LMTK2: variants seen among roughly 807,000 people sequenced by gnomAD.
The protein encoded by LMTK2 is lemur tail kinase 2, also known as serine/threonine-protein kinase LMTK2.
LMTK2 carries 37 observed loss-of-function variants against 127.5 expected under a neutral mutation model. The ratio of observed to expected loss-of-function variants is 0.29; its 90% CI spans 0.22 to 0.38. The LOEUF is 0.38. Ranked by LOEUF, LMTK2 falls within the 10% of genes least tolerant of loss-of-function variation. The pLI is 1.00. For synonymous variants in LMTK2, 819 were observed against 810.1 expected (o/e 1.01, Z -0.19); for missense variants, 1,694 against 1,920.3 (o/e 0.88, Z 2.20).
chr7:98,107,513 C>A (rs1477767089), intron 1 of LMTK2, among the ~76,000 whole-genome samples: 1 of 152,188 alleles, frequency 6.6e-6, no homozygotes, highest in East Asian at 1.9e-4. Flanking sequence ...TAGCAGCCAC[C>A]GACCCCTCCC....
In LMTK2 at chr7:98,191,643, C is replaced by T; in HGVS notation, c.1178C>T (p.Ser393Leu). The T allele has an allele frequency of 6.2e-7, 1 of 1,611,038 alleles. No homozygotes were observed. The highest frequency in any genetic ancestry group is 1.1e-5 in the South Asian group (1 of 90,630). The change falls in exon 11 of 14, where the codon TCA becomes TTA. Residue 393 changes from serine (S) to leucine (L), a missense_variant. Coordinates refer to ENST00000297293, the MANE Select transcript of LMTK2 (RefSeq NM_014916.4). ...WYEVLQFCWL[S>L]PEKRPAAEDV... Reference sequence around the variant, plus strand: ...GAAGTCTTACAGTTCTGTTGGCTGTCACCAGAAAAGAGACCCGCGGCTGAA... The same window carrying T: ...GAAGTCTTACAGTTCTGTTGGCTGTTACCAGAAAAGAGACCCGCGGCTGAA...
At chr7:98,201,656 C>G (rs1420479639) in intron 11 of LMTK2, among the ~76,000 whole-genome samples, 1 of 152,026 alleles carries the variant, frequency 6.6e-6, no homozygotes, top group African/African-American at 2.4e-5. Context: ...CTGTCACTAG[C>G]TGGAGTACAG....
rs562857722 is a variant in LMTK2, at chr7:98,116,555, G to C, written c.103+9275G>C. ...TTCACCTGGGATGAGGCCATTTATAGTTTTTTTTTTATTAAAACCTTTTTC... is the reference window on the plus strand; with the variant it reads ...TTCACCTGGGATGAGGCCATTTATACTTTTTTTTTTATTAAAACCTTTTTC... On this transcript the variant is annotated intron_variant, in intron 1 of 13. Transcript: ENST00000297293. Among the ~76,000 whole-genome samples, 3 of 149,010 alleles carry C rather than the reference G, an allele frequency of 2.0e-5. No homozygotes were observed. In the South Asian group the frequency reaches 6.4e-4, roughly 32 times the overall value.
intron 13 of LMTK2, 138 bp downstream of exon 13, chr7:98,204,324 TA>T: frequency 8.5e-7 from 1 of 1,169,762 alleles, no homozygotes; most frequent in Non-Finnish European, 1.2e-6. Flanking sequence ...CTTGTTTTTA[TA>T]AAACTCCCAT....
At chr7:98,190,559 G>A (rs767406386) in intron 9 of LMTK2, among the ~76,000 whole-genome samples, 169 bp from the exon 10 acceptor site, 1 of 152,146 alleles carries the variant, frequency 6.6e-6, no homozygotes, top group Non-Finnish European at 1.5e-5. Flanking sequence ...TCCAGCCTGG[G>A]CGACAGTGAG....
intron 7 of LMTK2, among the ~76,000 whole-genome samples, chr7:98,174,407 C>G (rs1212414028): frequency 1.3e-5 from 2 of 152,170 alleles, no homozygotes; most frequent in Non-Finnish European, 2.9e-5. Flanking sequence ...GTCTGAGGAG[C>G]CTGTGTCTCT....
At position 98,207,778 on chromosome 7, in the gene LMTK2, G is replaced by A. The variant is rs919601197; in HGVS notation, c.*2286G>A. 29 of 152,174 alleles carry A rather than the reference G, an allele frequency of 1.9e-4. 1 individual carries two copies. Among genetic ancestry groups the A allele is most frequent in the Non-Finnish European group, 1.0e-4 (7 of 68,052 alleles). 9.4% of individuals were successfully genotyped at this position (152,174 alleles called of 1,614,324 possible). On this transcript the variant is annotated 3_prime_UTR_variant, in exon 14 of 14. Coordinates refer to ENST00000297293, the MANE Select transcript of LMTK2 (RefSeq NM_014916.4). ...GTACATTTATTAACCTTTTGGGGCT[G>A]TCAGTTTTCCACTAGGATTAAGATT...
chr7:98,121,007 A>C (rs923773163), intron 1 of LMTK2, among the ~76,000 whole-genome samples: 2 of 152,192 alleles, frequency 1.3e-5, no homozygotes, highest in African/African-American at 4.8e-5. Context: ...TAGACTTAGA[A>C]AATGTTGGGA....
intron 11 of LMTK2, among the ~76,000 whole-genome samples, chr7:98,199,263 A>G (rs1354991971): frequency 1.3e-5 from 2 of 151,946 alleles, no homozygotes; most frequent in Non-Finnish European, 2.9e-5. Context: ...GTCATTGCCG[A>G]TTTTTCTGCA....
chr7:98,139,219 C>T (rs1008406806), intron 2 of LMTK2, among the ~76,000 whole-genome samples: 3 of 152,168 alleles, frequency 2.0e-5, no homozygotes, highest in African/African-American at 7.2e-5. Flanking sequence ...TCAAGCAATC[C>T]TCCCACCTTA....
At chr7:98,167,330 T>C (rs1480923031) in intron 6 of LMTK2, among the ~76,000 whole-genome samples, 1 of 152,208 alleles carries the variant, frequency 6.6e-6, no homozygotes, top group Non-Finnish European at 1.5e-5. Context: ...TTTCTAGTGG[T>C]AGAGACAGAC....
At position 98,192,090 on chromosome 7, in the gene LMTK2, C is replaced by T. The variant is rs921681012; in HGVS notation, c.1625C>T (p.Ala542Val). 3 of 1,564,372 alleles carry T rather than the reference C, an allele frequency of 1.9e-6. No individual in the cohort carries two copies. In the African/African-American group the frequency reaches 4.1e-5, roughly 21 times the overall value. ...CCTGGAGTGGTTCCTGTTTTTGATG[C>T]CCACAACCTTTCTGTTGGAAGCGAC... ...RVPGVVPVFD[A>V]HNLSVGSDYY... Residue 542 changes from alanine (A) to valine (V), a missense_variant, in exon 11 of 14, where the codon GCC becomes GTC. By Grantham distance (64) the Ala-to-Val change is moderately conservative. Transcript: ENST00000297293.
intron 9 of LMTK2, among the ~76,000 whole-genome samples, chr7:98,190,188 A>G (rs1414609882): frequency 6.6e-6 from 1 of 152,194 alleles, no homozygotes; most frequent in Non-Finnish European, 1.5e-5. Flanking sequence ...CAAAACTTCT[A>G]GGGTGGTATT....
chr7:98,113,282 G>C (rs1034623542), intron 1 of LMTK2, among the ~76,000 whole-genome samples: 6 of 152,110 alleles, frequency 3.9e-5, no homozygotes, highest in African/African-American at 1.4e-4. Flanking sequence ...TCTCTCTCCT[G>C]CTGCCATGTG....
intron 2 of LMTK2, among the ~76,000 whole-genome samples, chr7:98,140,284 C>T (rs1369416710): frequency 6.6e-6 from 1 of 151,482 alleles, no homozygotes; most frequent in African/African-American, 2.4e-5. Flanking sequence ...AGGACTACTC[C>T]AGTAGTCCTG....
chr7:98,150,168 C>T (rs1006736054), intron 3 of LMTK2, among the ~76,000 whole-genome samples: 8 of 151,904 alleles, frequency 5.3e-5, no homozygotes, highest in Non-Finnish European at 8.8e-5. Flanking sequence ...AGTAGTCGGG[C>T]GTGGTAGCAG....
chr7:98,185,685 T>C (rs1301280198), intron 8 of LMTK2, among the ~76,000 whole-genome samples: 1 of 151,940 alleles, frequency 6.6e-6, no homozygotes, highest in Non-Finnish European at 1.5e-5. Flanking sequence ...CTCCGGGCTG[T>C]CAGGAGACCT....
intron 7 of LMTK2, among the ~76,000 whole-genome samples, chr7:98,183,162 A>G (rs1371575421): frequency 6.6e-6 from 1 of 152,228 alleles, no homozygotes; most frequent in African/African-American, 2.4e-5. Flanking sequence ...TGTCTCTTAG[A>G]GGCAAAATCT....
In LMTK2 at chr7:98,192,957, C is replaced by G. The variant is rs866749758; in HGVS notation, c.2492C>G (p.Pro831Arg). The change falls in exon 11 of 14, where the codon CCA becomes CGA. Residue 831 changes from proline (P) to arginine (R), a missense_variant. Coordinates refer to ENST00000297293, the MANE Select transcript of LMTK2 (RefSeq NM_014916.4). ...GAAGAAACGCCCCGTCGGGTACCCC[C>G]AGACTCACTCCCAACACAGGGAGAA... ...ETEETPRRVP[P>R]DSLPTQGETQ... 1 of 1,614,038 alleles carries G rather than the reference C, an allele frequency of 6.2e-7. No homozygotes were observed. Among genetic ancestry groups the G allele is most frequent in the Non-Finnish European group, 8.5e-7 (1 of 1,180,048 alleles).
Sources: gnomAD v4.1 joint callset for allele counts (sites outside exome capture counted in the v4.1 genomes callset) on GRCh38, gnomAD v4.1.1 for gene constraint, MANE v1.5 for transcripts, NCBI Gene and HGNC (gene_info 2026-07-23, HGNC 2026-07-21) for gene names.